The following FBXW11 variants were observed in gnomAD, a reference collection of about 807,000 sequenced individuals.
FBXW11 encodes F-box/WD repeat-containing protein 11.
A neutral mutation model predicts 77.6 loss-of-function variants in FBXW11; 19 were observed. The ratio of observed to expected loss-of-function variants is 0.24; its 90% CI spans 0.17 to 0.36. The LOEUF (loss-of-function observed/expected upper bound fraction) is 0.36. Among genes scored for constraint, FBXW11 ranks in the 10% least tolerant of loss-of-function variants. The pLI is 1.00. For synonymous variants in FBXW11, 235 were observed against 249.4 expected (o/e 0.94, Z 0.54); for missense variants, 334 against 704.2 (o/e 0.47, Z 5.95).
At chr5:171,912,725 G>T (rs143121838) in intron 3 of FBXW11, among the ~76,000 whole-genome samples, 2,261 of 152,094 alleles carry the variant, frequency 0.015, 40 homozygotes, top group South Asian at 0.05. Flanking sequence ...TGGCCAACAT[G>T]GTGAAACCCT....
intron 2 of FBXW11, chr5:171,916,384 T>G (rs17074180): frequency 1.0e-6 from 1 of 955,240 alleles, no homozygotes; most frequent in African/African-American, 1.8e-5. Flanking sequence ...TAAAATCTTA[T>G]AAACCCCACA....
intron 2 of FBXW11, among the ~76,000 whole-genome samples, chr5:171,934,608 C>T (rs749962590): frequency 1.5e-4 from 22 of 148,136 alleles, no homozygotes; most frequent in Non-Finnish European, 2.8e-4. Context: ...ACCCGGGAGG[C>T]AGAGGTTGCA....
intron 1 of FBXW11, among the ~76,000 whole-genome samples, chr5:171,984,052 G>A (rs1202511007): frequency 6.7e-6 from 1 of 150,374 alleles, no homozygotes; most frequent in African/African-American, 2.4e-5. Flanking sequence ...ATGAGTGGGG[G>A]AACAAAACCA....
intron 9 of FBXW11, among the ~76,000 whole-genome samples, chr5:171,873,878 T>G (rs1384037324): frequency 6.6e-6 from 1 of 152,082 alleles, no homozygotes; most frequent in Non-Finnish European, 1.5e-5. Context: ...CATTTGTAGC[T>G]GAATGGGATA....
At chr5:171,891,348 G>A (rs1245052181) in intron 7 of FBXW11, 119 bp downstream of exon 7, 3 of 897,594 alleles carry the variant, frequency 3.3e-6, no homozygotes, top group Non-Finnish European at 3.2e-6. Flanking sequence ...ACTGAGAGCT[G>A]CCAAGATTGA....
At chr5:171,881,574 T>G (rs1758509280) in intron 7 of FBXW11, among the ~76,000 whole-genome samples, 1 of 152,232 alleles carries the variant, frequency 6.6e-6, no homozygotes, top group Non-Finnish European at 1.5e-5. Flanking sequence ...AGTTTAGTAC[T>G]AAGGTAACAA....
At chr5:171,982,429 A>G (rs970185390) in intron 1 of FBXW11, among the ~76,000 whole-genome samples, 4 of 152,090 alleles carry the variant, frequency 2.6e-5, no homozygotes, top group Non-Finnish European at 5.9e-5. Flanking sequence ...GGAATGCACC[A>G]CCACCCAGCT....
intron 2 of FBXW11, among the ~76,000 whole-genome samples, chr5:171,927,565 G>A (rs1293828304): frequency 1.3e-5 from 2 of 152,142 alleles, no homozygotes; most frequent in Non-Finnish European, 2.9e-5. Context: ...ATGACCACTG[G>A]ACCATTTTGG....
intron 2 of FBXW11, among the ~76,000 whole-genome samples, chr5:171,932,023 C>T (rs1196067493): frequency 6.6e-6 from 1 of 151,850 alleles, no homozygotes; most frequent in Non-Finnish European, 1.5e-5. Context: ...CACAGGGGTA[C>T]ACCACCATAC....
intron 1 of FBXW11, among the ~76,000 whole-genome samples, chr5:171,960,921 C>G (rs1424739141): frequency 6.6e-6 from 1 of 152,022 alleles, no homozygotes; most frequent in East Asian, 1.9e-4. Context: ...TTTAAAAGAC[C>G]CTCTGAGGGT....
chr5:171,919,881 C>T (rs1043063304), intron 2 of FBXW11, among the ~76,000 whole-genome samples: 1 of 152,146 alleles, frequency 6.6e-6, no homozygotes. Context: ...ACAGGCTGGG[C>T]GCAGTGGCTC....
chr5:171,875,762 G>C (rs1048962313), intron 9 of FBXW11, among the ~76,000 whole-genome samples: 12 of 152,106 alleles, frequency 7.9e-5, no homozygotes, highest in Non-Finnish European at 1.8e-4. Context: ...CGCATGCTAA[G>C]CTTCTTGAAG....
intron 2 of FBXW11, among the ~76,000 whole-genome samples, chr5:171,945,166 A>G (rs538793329): frequency 1.3e-5 from 2 of 152,346 alleles, no homozygotes; most frequent in African/African-American, 4.8e-5. Flanking sequence ...GCAACATAAA[A>G]TAACAGTGGA....
At chr5:171,979,782 T>C (rs1003450948) in intron 1 of FBXW11, among the ~76,000 whole-genome samples, 1 of 152,192 alleles carries the variant, frequency 6.6e-6, no homozygotes, top group African/African-American at 2.4e-5. Flanking sequence ...TTTTTCTATT[T>C]TCTGCAGAAA....
At chr5:171,936,207 T>C (rs1338569428) in intron 2 of FBXW11, among the ~76,000 whole-genome samples, 1 of 150,630 alleles carries the variant, frequency 6.6e-6, no homozygotes, top group Non-Finnish European at 1.5e-5. Flanking sequence ...ACTTTAAAAC[T>C]GCAGGCCAGG....
chr5:171,885,285 G>C (rs1349349422), intron 7 of FBXW11, among the ~76,000 whole-genome samples: 1 of 152,182 alleles, frequency 6.6e-6, no homozygotes, highest in African/African-American at 2.4e-5. Flanking sequence ...GAATCTGGTA[G>C]AGCTCTTGCA....
chr5:171,989,885 C>T (rs1002198715), intron 1 of FBXW11, among the ~76,000 whole-genome samples: 7 of 152,058 alleles, frequency 4.6e-5, no homozygotes, highest in African/African-American at 1.7e-4. Context: ...GTTACACATG[C>T]ATAAAGTATA....
intron 2 of FBXW11, among the ~76,000 whole-genome samples, chr5:171,929,497 CAAAA>C (rs961488602): frequency 1.3e-5 from 2 of 152,062 alleles, no homozygotes; most frequent in Non-Finnish European, 2.9e-5. Context: ...ACATAAATAA[CAAAA>C]AGAATGTAGA....
rs1425503634 is a variant in FBXW11, at chr5:171,985,742, T to C, written c.45+20716A>G. On this transcript the variant is annotated intron_variant, in intron 1 of 13. Transcript: ENST00000517395. ...TGACTGCACCTCTGCACCACTTCAG[T>C]CTGGGGAACAGAGCAAGAAGACCCT... Among the ~76,000 whole-genome samples, 3 of 152,048 alleles carry C rather than the reference T, an allele frequency of 2.0e-5. No homozygotes were observed. In the East Asian group the frequency reaches 5.8e-4, roughly 29 times the overall value.
Sources: gnomAD v4.1 joint callset for allele counts (sites outside exome capture counted in the v4.1 genomes callset) on GRCh38, gnomAD v4.1.1 for gene constraint, MANE v1.5 for transcripts, NCBI Gene and HGNC (gene_info 2026-07-23, HGNC 2026-07-21) for gene names.